LSAMP: variants seen among roughly 807,000 people sequenced by gnomAD.
LSAMP encodes limbic system associated membrane protein, also known as limbic system-associated membrane protein.
A neutral mutation model predicts 38.6 loss-of-function variants in LSAMP; 7 were observed. The ratio of observed to expected loss-of-function variants is 0.18; its 90% CI spans 0.10 to 0.34. The LOEUF (loss-of-function observed/expected upper bound fraction) is 0.34, where lower values mean the gene tolerates loss of function less well. LSAMP is among the 10% of genes least tolerant of loss of function. The pLI is 1.00. For missense variants in LSAMP, 313 were observed against 420.0 expected (o/e 0.75, Z 2.23); for synonymous variants, 154 against 166.8 (o/e 0.92, Z 0.59).
chr3:116,087,409 TA>T (rs1489112415), intron 1 of LSAMP, among the ~76,000 whole-genome samples: 1 of 152,150 alleles, frequency 6.6e-6, no homozygotes, highest in Admixed American at 6.5e-5. Flanking sequence ...GAGGGGTAAA[TA>T]CTTTTTGGTG....
chr3:116,392,089 C>G (rs941288566), intron 1 of LSAMP, among the ~76,000 whole-genome samples: 1 of 152,280 alleles, frequency 6.6e-6, no homozygotes. Context: ...GCCCTGAAAG[C>G]CTGCCCAGGC....
chr3:115,999,322 C>T (rs1939919876), intron 3 of LSAMP, among the ~76,000 whole-genome samples: 1 of 152,124 alleles, frequency 6.6e-6, no homozygotes, highest in African/African-American at 2.4e-5. Context: ...CTTTATCATT[C>T]TCCTCTCTGG....
At chr3:116,133,959 G>A (rs1477015896) in intron 1 of LSAMP, among the ~76,000 whole-genome samples, 1 of 152,140 alleles carries the variant, frequency 6.6e-6, no homozygotes, top group East Asian at 1.9e-4. Flanking sequence ...TAGTGACACA[G>A]ATGGAACAAA....
At chr3:115,886,279 C>A (rs926036189) in intron 3 of LSAMP, among the ~76,000 whole-genome samples, 3 of 151,946 alleles carry the variant, frequency 2.0e-5, no homozygotes, top group African/African-American at 7.2e-5. Context: ...GTCCAACTGA[C>A]ACATAAAATT....
At chr3:116,090,469 G>A (rs560382413) in intron 1 of LSAMP, among the ~76,000 whole-genome samples, 1 of 152,160 alleles carries the variant, frequency 6.6e-6, no homozygotes, top group South Asian at 2.1e-4. Flanking sequence ...GCAGGCTTGT[G>A]GAGTAAATGA....
intron 1 of LSAMP, among the ~76,000 whole-genome samples, chr3:116,232,699 C>CTTTTTTTTT (rs1219296323): frequency 0.048 from 4,751 of 99,188 alleles, 420 homozygotes; most frequent in Non-Finnish European, 0.071. Flanking sequence ...TTCTTTCTTT[C>CTTTTTTTTT]TTTTTTTTTT....
chr3:116,353,381 G>T (rs2048176598), intron 1 of LSAMP, among the ~76,000 whole-genome samples: 1 of 152,000 alleles, frequency 6.6e-6, no homozygotes. Context: ...TATAGTACTT[G>T]ATAATATTTA....
chr3:116,043,621 G>T (rs981054835), intron 2 of LSAMP, among the ~76,000 whole-genome samples: 2 of 152,170 alleles, frequency 1.3e-5, no homozygotes, highest in Non-Finnish European at 2.9e-5. Flanking sequence ...GGTCTGTTGT[G>T]TGCAAATGGA....
chr3:116,233,619 CT>C (rs1294387537), intron 1 of LSAMP, among the ~76,000 whole-genome samples: 1 of 151,954 alleles, frequency 6.6e-6, no homozygotes, highest in Non-Finnish European at 1.5e-5. Flanking sequence ...CTTTATCCCC[CT>C]CTCCCTACTT....
At chr3:115,833,326 G>C (rs1398325312) in intron 6 of LSAMP, among the ~76,000 whole-genome samples, 1 of 151,140 alleles carries the variant, frequency 6.6e-6, no homozygotes, top group African/African-American at 2.4e-5. Flanking sequence ...TTTAGTGGCT[G>C]GGATTAGAAA....
chr3:116,023,772 T>A (rs1271676515), intron 2 of LSAMP, among the ~76,000 whole-genome samples: 1 of 152,190 alleles, frequency 6.6e-6, no homozygotes. Context: ...TCCAAACTTT[T>A]AAATACGGTT....
chr3:116,063,787 G>A (rs1173313155), intron 2 of LSAMP, among the ~76,000 whole-genome samples: 6 of 152,090 alleles, frequency 3.9e-5, no homozygotes, highest in African/African-American at 1.2e-4. Flanking sequence ...AGTATAGACT[G>A]TAAAGTAGGT....
chr3:116,162,630 AGTGTGTGT>A (rs947781947), intron 1 of LSAMP, among the ~76,000 whole-genome samples: 1 of 149,502 alleles, frequency 6.7e-6, no homozygotes, highest in Non-Finnish European at 1.5e-5. Flanking sequence ...TGTGCGTGTG[AGTGTGTGT>A]GTACATTATA....
At chr3:115,881,069 T>TAAATAAATAAATAAATAAAA (rs1288382993) in intron 3 of LSAMP, among the ~76,000 whole-genome samples, 6 of 151,724 alleles carry the variant, frequency 4.0e-5, no homozygotes, top group Non-Finnish European at 8.8e-5. Context: ...AATAAATAAA[T>TAAATAAATAAATAAATAAAA]AAAATACTGT....
chr3:116,167,519 T>G (rs1276857904), intron 1 of LSAMP, among the ~76,000 whole-genome samples: 1 of 152,196 alleles, frequency 6.6e-6, no homozygotes, highest in Non-Finnish European at 1.5e-5. Context: ...CTATCTGATC[T>G]ATATACATCT....
At chr3:115,830,954 G>C (rs573783492) in intron 6 of LSAMP, among the ~76,000 whole-genome samples, 3 of 152,194 alleles carry the variant, frequency 2.0e-5, no homozygotes, top group African/African-American at 7.2e-5. Flanking sequence ...AAACATGCCA[G>C]GACGACTTCA....
Position 115,859,895 on chromosome 3 carries a change from A to AC in LSAMP, c.515-7279dup, listed in dbSNP as rs1359932945. Among the ~76,000 whole-genome samples the AC allele has an allele frequency of 3.3e-5, 5 of 152,064 alleles. No homozygotes were observed. The East Asian group carries it at 9.7e-4, about 29-fold the overall frequency. On this transcript the variant is annotated intron_variant, in intron 3 of 6. Coordinates refer to ENST00000490035, the MANE Select transcript of LSAMP (RefSeq NM_002338.5). ...TTTATTGTATTTATACTAAACCATT[A>AC]CCCCCTACTTGGTGTCAGTTTTTAG...
chr3:115,923,901 A>T (rs559543826), intron 3 of LSAMP, among the ~76,000 whole-genome samples: 1 of 152,306 alleles, frequency 6.6e-6, no homozygotes, highest in South Asian at 2.1e-4. Flanking sequence ...ATAGGTTTTT[A>T]TCATTATGTG....
chr3:116,115,921 G>A (rs145960079), intron 1 of LSAMP, among the ~76,000 whole-genome samples: 14 of 151,708 alleles, frequency 9.2e-5, no homozygotes, highest in South Asian at 2.1e-4. Context: ...TTAAATGTCC[G>A]TAGGGCGGCT....
Sources: gnomAD v4.1 joint callset for allele counts (sites outside exome capture counted in the v4.1 genomes callset) on GRCh38, gnomAD v4.1.1 for gene constraint, MANE v1.5 for transcripts, NCBI Gene and HGNC (gene_info 2026-07-23, HGNC 2026-07-21) for gene names.